The following STK3 variants were observed in gnomAD, a reference collection of about 807,000 sequenced individuals.
STK3 encodes the protein serine/threonine kinase 3.
A neutral mutation model predicts 58.0 loss-of-function variants in STK3; 41 were observed. That is an observed-to-expected ratio of 0.71 (90% CI 0.55 to 0.92). STK3 has a LOEUF of 0.92. Among genes scored for constraint, STK3 ranks in the 40% least tolerant of loss-of-function variants. The probability of loss-of-function intolerance (pLI) is 0.00; values close to 1 mark genes in which losing one functional copy is unlikely to be tolerated. For missense variants in STK3, 479 were observed against 602.7 expected, an observed-to-expected ratio of 0.79 and a Z score of 2.15; for synonymous variants, 170 against 191.0, an observed-to-expected ratio of 0.89 and a Z score of 0.91.
intron 3 of STK3, 112 bp downstream of exon 3, chr8:98,767,131 A>G: frequency 7.7e-7 from 1 of 1,296,370 alleles, no homozygotes; most frequent in Non-Finnish European, 1.0e-6. Context: ...CAAAAAAAAG[A>G]AAAGAAAAAG....
At chr8:98,396,559 T>C (rs926422858), downstream of STK3, among the ~76,000 whole-genome samples, 1 of 152,238 alleles carries the variant, frequency 6.6e-6, no homozygotes, top group Non-Finnish European at 1.5e-5. Context: ...GCCTCTGCCA[T>C]TGAGATCCTG....
intron 1 of STK3, among the ~76,000 whole-genome samples, chr8:98,919,478 G>T (rs957788958): frequency 3.3e-5 from 5 of 152,112 alleles, no homozygotes; most frequent in African/African-American, 9.7e-5. Flanking sequence ...TCAGAACAAT[G>T]GTTGCCTAGG....
intron 1 of STK3, among the ~76,000 whole-genome samples, chr8:98,386,611 A>AAT (rs1817794062): frequency 6.6e-6 from 1 of 152,216 alleles, no homozygotes; most frequent in Admixed American, 6.5e-5. Flanking sequence ...GGAAGTAGGA[A>AAT]ATAAAACAGA....
chr8:98,576,125 C>G (rs1813377532), intron 8 of STK3, among the ~76,000 whole-genome samples: 1 of 152,120 alleles, frequency 6.6e-6, no homozygotes, highest in Non-Finnish European at 1.5e-5. Context: ...TGTGGCTATC[C>G]AGCTATCCCA....
At chr8:98,375,505 A>G (rs1413725630) in intron 2 of STK3, among the ~76,000 whole-genome samples, 1 of 152,166 alleles carries the variant, frequency 6.6e-6, no homozygotes, top group Admixed American at 6.5e-5. Context: ...TAATCAGGAT[A>G]CTGAACTGTT....
chr8:98,371,036 A>G (rs1267057288), downstream of STK3, among the ~76,000 whole-genome samples: 1 of 152,238 alleles, frequency 6.6e-6, no homozygotes, highest in Non-Finnish European at 1.5e-5. Flanking sequence ...AGACCACTGG[A>G]CCCAAAATGT....
At chr8:98,582,936 A>G (rs1283985092) in intron 7 of STK3, among the ~76,000 whole-genome samples, 1 of 152,118 alleles carries the variant, frequency 6.6e-6, no homozygotes, top group Admixed American at 6.5e-5. Flanking sequence ...TTAATTTGTA[A>G]CATACAATGC....
At chr8:98,779,950 T>C (rs1444355605) in intron 1 of STK3, among the ~76,000 whole-genome samples, 3 of 104,598 alleles carry the variant, frequency 2.9e-5, no homozygotes, top group Non-Finnish European at 5.9e-5. Context: ...GAATAAGTCA[T>C]GTGCTAGTAT....
At chr8:98,713,077 T>C (rs1362863849) in intron 4 of STK3, among the ~76,000 whole-genome samples, 1 of 152,192 alleles carries the variant, frequency 6.6e-6, no homozygotes, top group Non-Finnish European at 1.5e-5. Context: ...AGATGTTCTT[T>C]GAAACCAACA....
chr8:98,806,847 T>C (rs1338860775), intron 1 of STK3, among the ~76,000 whole-genome samples: 1 of 151,998 alleles, frequency 6.6e-6, no homozygotes, highest in Admixed American at 6.6e-5. Context: ...AAAGATTAGG[T>C]GGGCTGAACA....
chr8:98,510,593 C>A (rs1251354109), intron 10 of STK3, among the ~76,000 whole-genome samples: 1 of 151,460 alleles, frequency 6.6e-6, no homozygotes, highest in Non-Finnish European at 1.5e-5. Context: ...TTTTTTTTTA[C>A]AACTAGAATT....
At chr8:98,809,953 T>C (rs1834113505) in intron 1 of STK3, among the ~76,000 whole-genome samples, 1 of 152,178 alleles carries the variant, frequency 6.6e-6, no homozygotes. Context: ...ACAGGAAGCA[T>C]AGCAGCTTCT....
intron 6 of STK3, among the ~76,000 whole-genome samples, chr8:98,681,221 A>T (rs1823618692): frequency 6.6e-6 from 1 of 151,692 alleles, no homozygotes; most frequent in Non-Finnish European, 1.5e-5. Flanking sequence ...CTGGTCTCGA[A>T]CTCCTGACCT....
chr8:98,782,736 T>C (rs2131537571), intron 1 of STK3: 1 of 150,776 alleles, frequency 6.6e-6, no homozygotes, highest in Non-Finnish European at 1.5e-5. Flanking sequence ...ATCTGAAATA[T>C]AAATTTTGTT....
At chr8:98,595,131 A>G (rs528429500) in intron 7 of STK3, 33 of 152,316 alleles carry the variant, frequency 2.2e-4, no homozygotes, top group African/African-American at 7.5e-4. Context: ...GTTGGATCAA[A>G]GAATATATGG....
intron 1 of STK3, among the ~76,000 whole-genome samples, chr8:98,801,407 C>T (rs1010062148): frequency 6.6e-6 from 1 of 152,134 alleles, no homozygotes; most frequent in Non-Finnish European, 1.5e-5. Context: ...AAGCTTTGTT[C>T]TTTCGCTCTT....
intron 1 of STK3, among the ~76,000 whole-genome samples, chr8:98,802,371 AT>A (rs1199836687): frequency 6.6e-6 from 1 of 152,192 alleles, no homozygotes; most frequent in Non-Finnish European, 1.5e-5. Context: ...ATGGTGATAA[AT>A]TATTTAATAT....
chr8:98,825,409 G>A (rs1392867045), intron 1 of STK3, 106 bp downstream of exon 1: 3 of 1,093,156 alleles, frequency 2.7e-6, no homozygotes, highest in Non-Finnish European at 3.5e-6. Context: ...CCCGGCTCGG[G>A]GCCCGGCGGG....
At chr8:98,551,099 T>C (rs1388438402) in intron 8 of STK3, among the ~76,000 whole-genome samples, 1 of 152,160 alleles carries the variant, frequency 6.6e-6, no homozygotes, top group Non-Finnish European at 1.5e-5. Flanking sequence ...CATTAAAGAC[T>C]TCCTTTGTGT....
Sources: gnomAD v4.1 joint callset for allele counts (sites outside exome capture counted in the v4.1 genomes callset) on GRCh38, gnomAD v4.1.1 for gene constraint, MANE v1.5 for transcripts, NCBI Gene and HGNC (gene_info 2026-07-23, HGNC 2026-07-21) for gene names.